DMD: variants seen among roughly 807,000 people sequenced by gnomAD.
DMD encodes mutant dystrophin.
A neutral mutation model predicts 330.1 loss-of-function variants in DMD; 63 were observed. The observed-to-expected ratio is 0.19, with a 90% CI of 0.16 to 0.24. The LOEUF (loss-of-function observed/expected upper bound fraction) is 0.24, where lower values mean the gene tolerates loss of function less well. Ranked by LOEUF, DMD falls within the 10% of genes least tolerant of loss-of-function variation. The probability of loss-of-function intolerance (pLI) is 1.00; values close to 1 mark genes in which losing one functional copy is unlikely to be tolerated. For missense variants in DMD, 3,344 were observed against 2,684.1 expected (o/e 1.25, Z -5.43); for synonymous variants, 1,223 against 959.8 (o/e 1.27, Z -5.07).
At chrX:31,957,937 C>T (rs1020615221) in intron 45 of DMD, among the ~76,000 whole-genome samples, 2 of 110,813 alleles carry the variant, frequency 1.8e-5, no homozygotes, top group Non-Finnish European at 3.8e-5. Flanking sequence ...ATAGTGTATT[C>T]CTTTTTTGGA....
chrX:32,697,431 G>A (rs2063738816), intron 9 of DMD, among the ~76,000 whole-genome samples: 1 of 111,851 alleles, frequency 8.9e-6, no homozygotes, highest in Non-Finnish European at 1.9e-5. Context: ...ATTTTAGAAT[G>A]AATAGATAAA....
intron 60 of DMD, among the ~76,000 whole-genome samples, chrX:31,442,086 A>C (rs887911462): frequency 8.9e-6 from 1 of 112,083 alleles, no homozygotes; most frequent in South Asian, 3.7e-4. Context: ...GAAGAGATTA[A>C]AAGTTAGAGT....
At chrX:32,686,140 T>C (rs894405834) in intron 9 of DMD, among the ~76,000 whole-genome samples, 1 of 111,837 alleles carries the variant, frequency 8.9e-6, no homozygotes, top group Non-Finnish European at 1.9e-5. Flanking sequence ...CCAAGCATTA[T>C]TACATTTTTT....
chrX:32,988,629 A>G (rs893796126), intron 2 of DMD, among the ~76,000 whole-genome samples: 16 of 112,094 alleles, frequency 1.4e-4, no homozygotes, highest in Non-Finnish European at 3.0e-4. Context: ...GTCTTTGTAG[A>G]AGTTCTATTG....
At chrX:33,040,091 C>A (rs1449808132) in intron 1 of DMD, among the ~76,000 whole-genome samples, 1 of 111,274 alleles carries the variant, frequency 9.0e-6, no homozygotes. Flanking sequence ...GACATTTCAG[C>A]ATCCTTGGAA....
intron 7 of DMD, among the ~76,000 whole-genome samples, chrX:32,768,728 A>T (rs767361354): frequency 8.9e-6 from 1 of 112,143 alleles, no homozygotes; most frequent in East Asian, 2.8e-4. Context: ...GACTTGAGGT[A>T]ATTAAGCTCC....
chrX:32,570,571 A>T (rs1036661321), intron 15 of DMD, among the ~76,000 whole-genome samples: 1 of 111,728 alleles, frequency 9.0e-6, no homozygotes, highest in African/African-American at 3.3e-5. Flanking sequence ...AGTTGCAGTT[A>T]TTTTTTCCAA....
intron 7 of DMD, among the ~76,000 whole-genome samples, chrX:32,740,227 C>A (rs1332089139): frequency 9.1e-6 from 1 of 110,353 alleles, no homozygotes; most frequent in Non-Finnish European, 1.9e-5. Flanking sequence ...AGACGCCTAC[C>A]AATCTATAGT....
At chrX:32,498,810 A>G (rs2043758198) in intron 19 of DMD, among the ~76,000 whole-genome samples, 1 of 111,892 alleles carries the variant, frequency 8.9e-6, no homozygotes, top group South Asian at 3.7e-4. Context: ...TACTGTTTCT[A>G]GAACGTACAA....
At chrX:32,448,403 C>T in intron 27 of DMD, 53 bp downstream of exon 27, 2 of 1,169,783 alleles carry the variant, frequency 1.7e-6, no homozygotes, top group Non-Finnish European at 1.2e-6. Context: ...CTATGCCTCA[C>T]ATATGACCAT....
Position 32,464,667 on chromosome X carries a change from A to G in DMD, c.3195T>C (p.Ala1065=), listed in dbSNP as rs1339293733. The G allele has an allele frequency of 5.0e-6, 6 of 1,206,922 alleles. No individual in the cohort carries two copies. In the Admixed American group the frequency reaches 1.3e-4, roughly 26 times the overall value. The change falls in exon 24 of 79, where the codon GCT becomes GCC. Residue 1065 remains alanine, a synonymous_variant. Transcript: ENST00000357033. ...CCTCCTTCAGAAAAACATCAACTTC[A>G]GCCATCCATTTCTTCAGGGTTTGTA... ...NHIQTLKKWM[A]EVDVFLKEEW... is the part of the protein sequence containing the mutation.
At chrX:31,151,078 G>A (rs747547815) in intron 74 of DMD, among the ~76,000 whole-genome samples, 464 of 111,677 alleles carry the variant, frequency 4.2e-3, no homozygotes, top group Non-Finnish European at 7.0e-3. Context: ...GAGATTCATC[G>A]AAGTAAGTAC....
At chrX:32,386,202 A>C (rs1468431654) in intron 33 of DMD, 108 bp downstream of exon 33, 1 of 800,026 alleles carries the variant, frequency 1.2e-6, no homozygotes, top group Admixed American at 2.2e-5. Context: ...AGAGAGAGAG[A>C]GGTGTTTAGA....
chrX:31,514,501 T>G (rs2071983630), intron 55 of DMD, among the ~76,000 whole-genome samples: 1 of 111,810 alleles, frequency 8.9e-6, no homozygotes. Flanking sequence ...TAAATAGACA[T>G]AGGTTTGACC....
At chrX:32,508,749 A>AAATATGTG (rs1315822814) in intron 18 of DMD, among the ~76,000 whole-genome samples, 1 of 112,330 alleles carries the variant, frequency 8.9e-6, no homozygotes, top group East Asian at 2.8e-4. Flanking sequence ...CGACAAACTG[A>AAATATGTG]AATATGTGCT....
At chrX:32,576,132 C>A (rs2053019866) in intron 13 of DMD, among the ~76,000 whole-genome samples, 1 of 111,744 alleles carries the variant, frequency 8.9e-6, no homozygotes, top group Non-Finnish European at 1.9e-5. Context: ...TCACAAAAAA[C>A]TAATAGAGTA....
At chrX:32,963,463 T>C (rs1161875506) in intron 2 of DMD, among the ~76,000 whole-genome samples, 1 of 112,191 alleles carries the variant, frequency 8.9e-6, no homozygotes, top group Non-Finnish European at 1.9e-5. Context: ...AAATCTCTGG[T>C]CAGATTGAAA....
intron 29 of DMD, among the ~76,000 whole-genome samples, chrX:32,427,824 T>C (rs980433017): frequency 9.0e-6 from 1 of 111,404 alleles, no homozygotes; most frequent in African/African-American, 3.3e-5. Context: ...AGGCTTTCTA[T>C]ATCCCCTTCC....
intron 44 of DMD, chrX:32,206,419 A>G: frequency 1.9e-6 from 1 of 512,996 alleles, no homozygotes; most frequent in Admixed American, 2.3e-5. Context: ...GAGGAAACTG[A>G]AGAAAAAGCG....
Sources: allele counts gnomAD v4.1 joint callset (sites outside exome capture counted in the v4.1 genomes callset), GRCh38; gene constraint gnomAD v4.1.1; transcripts MANE v1.5; gene names NCBI Gene and HGNC (gene_info 2026-07-23, HGNC 2026-07-21).